TMPRSS3: variants seen among roughly 807,000 people sequenced by gnomAD.
The protein encoded by TMPRSS3 is transmembrane protease serine 3.
A neutral mutation model predicts 59.6 loss-of-function variants in TMPRSS3; 55 were observed. That is an observed-to-expected ratio of 0.92 (90% CI 0.74 to 1.16). TMPRSS3 has a LOEUF of 1.16. TMPRSS3 is among the 50% of genes most tolerant of loss of function. The pLI, the probability that TMPRSS3 is intolerant of heterozygous loss-of-function variation, is 0.00. For missense variants in TMPRSS3, 596 were observed against 579.4 expected (o/e 1.03, Z -0.29); for synonymous variants, 257 against 237.7 (o/e 1.08, Z -0.75).
chr21:42,389,331 TGGCGGGG>T (rs1374768734), intron 3 of TMPRSS3, among the ~76,000 whole-genome samples: 1 of 152,292 alleles, frequency 6.6e-6, no homozygotes, highest in East Asian at 1.9e-4. Flanking sequence ...AGAAACTGCA[TGGCGGGG>T]GGCCGACCTG....
At chr21:42,377,930 T>C (rs1047420037) in intron 10 of TMPRSS3, among the ~76,000 whole-genome samples, 1 of 152,228 alleles carries the variant, frequency 6.6e-6, no homozygotes, top group Non-Finnish European at 1.5e-5. Context: ...GGCAGCGGGA[T>C]GGAGAATCTC....
chr21:42,389,260 G>T, intron 3 of TMPRSS3: 1 of 897,174 alleles, frequency 1.1e-6, no homozygotes, highest in Non-Finnish European at 1.7e-6. Context: ...TCGCTATGTG[G>T]CCTGGCCCAG....
At chr21:42,395,139 A>G (rs1418215956) in intron 2 of TMPRSS3, among the ~76,000 whole-genome samples, 185 bp downstream of exon 2, 4 of 152,200 alleles carry the variant, frequency 2.6e-5, no homozygotes, top group African/African-American at 9.7e-5. Flanking sequence ...GGGCTTAACG[A>G]AACGATCCCC....
At chr21:42,384,218 G>A (rs960778597) in intron 6 of TMPRSS3, among the ~76,000 whole-genome samples, 1 of 151,414 alleles carries the variant, frequency 6.6e-6, no homozygotes, top group African/African-American at 2.4e-5. Flanking sequence ...TCAACTAACA[G>A]TGAAGTATTG....
At chr21:42,380,238 C>T (rs2052503773) in intron 9 of TMPRSS3, 26 bp from the exon 10 acceptor site, 1 of 1,580,340 alleles carries the variant, frequency 6.3e-7, no homozygotes, top group Non-Finnish European at 8.7e-7. Flanking sequence ...CAATAGTTCA[C>T]AACTCAATTG....
At chr21:42,375,581 C>T (rs2052410977) in intron 12 of TMPRSS3, 135 bp downstream of exon 12, 14 of 1,139,788 alleles carry the variant, frequency 1.2e-5, no homozygotes, top group Admixed American at 1.8e-5. Flanking sequence ...CACCCTGGAG[C>T]CACCAAGTCA....
chr21:42,375,048 A>G (rs1034622876), intron 12 of TMPRSS3, among the ~76,000 whole-genome samples: 1 of 152,014 alleles, frequency 6.6e-6, no homozygotes, highest in Non-Finnish European at 1.5e-5. Flanking sequence ...CACATGAGAA[A>G]GGCGCCGTGT....
chr21:42,372,869 G>A (rs1478664362), intron 12 of TMPRSS3, 90 bp from the exon 13 acceptor site: 4 of 1,460,902 alleles, frequency 2.7e-6, no homozygotes, highest in Non-Finnish European at 3.8e-6. Flanking sequence ...ATTTTGCCCT[G>A]TGGGAATTGT....
intron 10 of TMPRSS3, among the ~76,000 whole-genome samples, chr21:42,377,705 G>A (rs2052454822): frequency 6.6e-6 from 1 of 152,196 alleles, no homozygotes; most frequent in African/African-American, 2.4e-5. Flanking sequence ...ATTCCATGGA[G>A]ACAACAAAAT....
chr21:42,390,452 G>A (rs1250336197), intron 2 of TMPRSS3: 1 of 239,948 alleles, frequency 4.2e-6, no homozygotes, highest in South Asian at 5.9e-5. Context: ...AAACAGCCGG[G>A]TGCAGTGGCT....
chr21:42,374,826 A>G (rs1054145713), intron 12 of TMPRSS3, among the ~76,000 whole-genome samples: 1 of 150,500 alleles, frequency 6.6e-6, no homozygotes, highest in Non-Finnish European at 1.5e-5. Flanking sequence ...AAAATGATAT[A>G]TAATGAAACC....
Position 42,388,462 on chromosome 21 carries a change from G to T in TMPRSS3, c.387C>A (p.Cys129Ter). 2 of 1,614,232 alleles carry T rather than the reference G, an allele frequency of 1.2e-6. No homozygotes were observed. The highest frequency in any genetic ancestry group is 1.7e-6 in the Non-Finnish European group (2 of 1,180,046). Residue 129 changes from cysteine to a stop codon, truncating the protein, a stop_gained, in exon 5 of 13, where the codon TGC (cysteine) becomes TGA (stop). Coordinates refer to ENST00000644384, the MANE Select transcript of TMPRSS3 (RefSeq NM_001256317.3). LOFTEE classifies it high-confidence loss of function. This position sits in a 1 kb window ranked among gnomAD's most constrained non-coding sequence, Gnocchi z 5.1. ...VFTAASWKTM[C>*]SDDWKGHYAN... Reference sequence around the variant, plus strand: ...CGTAGTGACCCTTCCAGTCATCGGAGCACATGGTCTTCCACGAAGCAGCTG... The same window carrying T: ...CGTAGTGACCCTTCCAGTCATCGGATCACATGGTCTTCCACGAAGCAGCTG...
At chr21:42,380,348 A>G in intron 9 of TMPRSS3, 136 bp from the exon 10 acceptor site, 1 of 750,200 alleles carries the variant, frequency 1.3e-6, no homozygotes, top group Non-Finnish European at 2.3e-6. Context: ...GTTACTTGAA[A>G]ACGATCAGCT....
At chr21:42,380,004 G>T in intron 10 of TMPRSS3, 113 bp downstream of exon 10, 1 of 865,786 alleles carries the variant, frequency 1.2e-6, no homozygotes, top group Non-Finnish European at 1.9e-6. Context: ...CTCCCTGGCC[G>T]GGGTATCTGG....
intron 2 of TMPRSS3, among the ~76,000 whole-genome samples, chr21:42,394,668 G>C (rs1382811942): frequency 6.6e-6 from 1 of 152,142 alleles, no homozygotes. Flanking sequence ...TGGAACCTCA[G>C]GCAGAGCTCC....
At chr21:42,380,364 C>A in intron 9 of TMPRSS3, 152 bp from the exon 10 acceptor site, 1 of 711,390 alleles carries the variant, frequency 1.4e-6, no homozygotes, top group Admixed American at 2.0e-5. Context: ...CAGCTCACAG[C>A]AGGAGCCCCT....
chr21:42,380,994 C>T (rs2052518791), intron 9 of TMPRSS3, among the ~76,000 whole-genome samples: 1 of 152,212 alleles, frequency 6.6e-6, no homozygotes, highest in Admixed American at 6.5e-5. Context: ...CATTTTCCTG[C>T]TTCTCTGGAA....
At chr21:42,389,240 C>T in intron 3 of TMPRSS3, 195 bp from the exon 4 acceptor site, 6 of 1,118,388 alleles carry the variant, frequency 5.4e-6, no homozygotes, top group South Asian at 2.9e-5. Context: ...CTGCTGTGCC[C>T]CACTTTATCT....
rs754215901 is a variant in TMPRSS3 at position 42,395,470 on chromosome 21, T to A, written c.-51-2A>T. On this transcript the variant is annotated splice_acceptor_variant, in intron 1 of 12. Transcript: ENST00000644384. LOFTEE classifies it low-confidence loss of function (5UTR_SPLICE). ...CGGCTCCGCCTCCACCTCTACCTCC[T>A]TAGCCGAGGAAGAACAGAAAGCATT... 6.9e-7 allele frequency: 1 copy of A among 1,451,068 alleles called. No individual in the cohort carries two copies. Among genetic ancestry groups the A allele is most frequent in the Non-Finnish European group, 9.7e-7 (1 of 1,032,674 alleles). 89.9% of individuals were successfully genotyped at this position (1,451,068 alleles called of 1,614,324 possible). A position where few individuals can be genotyped will look rare whatever the true frequency, so the allele number is the denominator to read the frequency against.
Sources: gnomAD v4.1 joint callset for allele counts (sites outside exome capture counted in the v4.1 genomes callset) on GRCh38, gnomAD v4.1.1 for gene constraint, Gnocchi (gnomAD v3.1) non-coding constraint, MANE v1.5 for transcripts, NCBI Gene and HGNC (gene_info 2026-07-23, HGNC 2026-07-21) for gene names.